Variants in SYNPR observed in about 807,000 individuals in gnomAD.
SYNPR encodes the protein synaptoporin.
SYNPR carries 23 observed loss-of-function variants against 32.9 expected under a neutral mutation model. That is an observed-to-expected ratio of 0.70 (90% CI 0.50 to 0.99). The LOEUF is 0.99. Among genes scored for constraint, SYNPR ranks in the 50% least tolerant of loss-of-function variants. The pLI is 0.00. For missense variants in SYNPR, 318 were observed against 349.3 expected (o/e 0.91, Z 0.71); for synonymous variants, 146 against 135.9 (o/e 1.07, Z -0.52).
chr3:63,267,055 T>C (rs572627811), intron 2 of SYNPR, among the ~76,000 whole-genome samples: 1 of 152,160 alleles, frequency 6.6e-6, no homozygotes, highest in Non-Finnish European at 1.5e-5. Flanking sequence ...CTTTAAGAAC[T>C]GATGTGCAAA....
chr3:63,403,624 A>G (rs908400966), intron 2 of SYNPR, among the ~76,000 whole-genome samples: 12 of 152,170 alleles, frequency 7.9e-5, no homozygotes, highest in African/African-American at 2.9e-4. Flanking sequence ...TGCAGTATGG[A>G]GAGCTGAAAC....
At chr3:63,476,397 G>A (rs1055444620) in intron 2 of SYNPR, among the ~76,000 whole-genome samples, 1 of 143,472 alleles carries the variant, frequency 7.0e-6, no homozygotes, top group Non-Finnish European at 1.5e-5. Context: ...AAGAAGGAAG[G>A]AAGGGAGGGA....
intron 2 of SYNPR, among the ~76,000 whole-genome samples, chr3:63,350,273 G>C (rs2087490076): frequency 6.6e-6 from 1 of 151,896 alleles, no homozygotes; most frequent in African/African-American, 2.4e-5. Context: ...CTATAGGGGA[G>C]ACTATTCCCT....
chr3:63,459,508 T>C (rs1032083724), intron 2 of SYNPR, among the ~76,000 whole-genome samples: 1 of 152,292 alleles, frequency 6.6e-6, no homozygotes, highest in South Asian at 2.1e-4. Flanking sequence ...GGCACTAGCA[T>C]TGGCTCCTGC....
At chr3:63,330,690 A>G (rs1269107333) in intron 2 of SYNPR, among the ~76,000 whole-genome samples, 1 of 152,092 alleles carries the variant, frequency 6.6e-6, no homozygotes, top group East Asian at 1.9e-4. Flanking sequence ...CCTTTAATCT[A>G]TGTATGAGCC....
At chr3:63,256,216 G>C (rs1487540914) in intron 2 of SYNPR, among the ~76,000 whole-genome samples, 1 of 152,212 alleles carries the variant, frequency 6.6e-6, no homozygotes, top group Non-Finnish European at 1.5e-5. Context: ...GCTTTGAAGA[G>C]AGCAGTGGTT....
the SYNPR span, among the ~76,000 whole-genome samples, chr3:63,218,356 G>C: frequency 5.9e-5 from 9 of 152,162 alleles, no homozygotes; most frequent in African/African-American, 2.2e-4. Flanking sequence ...GAGGGATGAA[G>C]GGAGTAGTTA....
chr3:63,579,596 T>C (rs1192356495), intron 4 of SYNPR, among the ~76,000 whole-genome samples: 2 of 152,288 alleles, frequency 1.3e-5, no homozygotes, highest in Non-Finnish European at 2.9e-5. Context: ...TCCAAGACTA[T>C]ATTTCCAGTG....
intron 2 of SYNPR, among the ~76,000 whole-genome samples, chr3:63,338,776 T>C (rs1223287583): frequency 1.3e-5 from 2 of 152,202 alleles, no homozygotes; most frequent in African/African-American, 4.8e-5. Context: ...ATGAGCACTG[T>C]CACTATGCTG....
rs76851431 is a variant in SYNPR, at chr3:63,346,943, T to C, written c.84+68201T>C. 9.6e-3 allele frequency among the ~76,000 whole-genome samples: 1,468 copies of C among 152,354 alleles called. 17 individuals carry two copies. The highest frequency in any genetic ancestry group is 0.07 in the East Asian group (365 of 5,182). ...GGATATGAGTATAAGATTATTTCCT[T>C]TTATTTAAGGAATAATTTTATGGAA... On this transcript the variant is annotated intron_variant, in intron 2 of 5. Transcript: ENST00000478300.
At chr3:63,613,610 C>CAAAAAAAAAAAAAAAAAAAAAAAA (rs10566584) in intron 5 of SYNPR, among the ~76,000 whole-genome samples, 1 of 46,028 alleles carries the variant, frequency 2.2e-5, no homozygotes, top group African/African-American at 8.3e-5. Context: ...TATGCTGCAG[C>CAAAAAAAAAAAAAAAAAAAAAAAA]AAAAAAAAAA....
At chr3:63,312,664 C>A (rs535029941) in intron 2 of SYNPR, among the ~76,000 whole-genome samples, 53 of 152,120 alleles carry the variant, frequency 3.5e-4, no homozygotes, top group Non-Finnish European at 6.2e-4. Context: ...GGAATAAGCT[C>A]CTTATCCTGC....
At chr3:63,200,914 T>C in the SYNPR span, among the ~76,000 whole-genome samples, 1 of 152,144 alleles carries the variant, frequency 6.6e-6, no homozygotes, top group African/African-American at 2.4e-5. Context: ...ATGGGCTGTC[T>C]CAACAAAAGA....
chr3:63,347,268 C>A (rs1051020772), intron 2 of SYNPR, among the ~76,000 whole-genome samples: 1 of 152,102 alleles, frequency 6.6e-6, no homozygotes, highest in African/African-American at 2.4e-5. Flanking sequence ...TGTGATTTGG[C>A]AATAACGAAT....
chr3:63,417,242 G>T (rs1417769655), intron 2 of SYNPR, among the ~76,000 whole-genome samples: 1 of 152,238 alleles, frequency 6.6e-6, no homozygotes, highest in African/African-American at 2.4e-5. Context: ...CAGCAGGGCA[G>T]TAAAATCTTA....
chr3:63,471,736 G>T (rs537108576), intron 2 of SYNPR, among the ~76,000 whole-genome samples: 10 of 152,134 alleles, frequency 6.6e-5, no homozygotes, highest in Non-Finnish European at 1.3e-4. Flanking sequence ...ATGCCCTTTG[G>T]GGGTGTTGAG....
intron 2 of SYNPR, among the ~76,000 whole-genome samples, chr3:63,286,412 T>C (rs1000624558): frequency 6.6e-6 from 1 of 152,188 alleles, no homozygotes; most frequent in Non-Finnish European, 1.5e-5. Context: ...CTGAGGGTCC[T>C]TATAGGGTCA....
At chr3:63,478,807 C>T (rs912163443) in intron 2 of SYNPR, among the ~76,000 whole-genome samples, 17 of 152,174 alleles carry the variant, frequency 1.1e-4, no homozygotes, top group Non-Finnish European at 2.1e-4. Flanking sequence ...ATGGGGCTTT[C>T]GACTCCATCA....
intron 3 of SYNPR, among the ~76,000 whole-genome samples, chr3:63,267,671 A>G (rs551093401): frequency 2.6e-5 from 4 of 152,344 alleles, no homozygotes; most frequent in African/African-American, 9.6e-5. Context: ...TACTATGTGC[A>G]GGCTTCTTGC....
Sources: gnomAD v4.1 joint callset for allele counts (sites outside exome capture counted in the v4.1 genomes callset) on GRCh38, gnomAD v4.1.1 for gene constraint, MANE v1.5 for transcripts, NCBI Gene and HGNC (gene_info 2026-07-23, HGNC 2026-07-21) for gene names.